The following ARID5A variants were observed in gnomAD, a reference collection of about 807,000 sequenced individuals.
The protein encoded by ARID5A is AT-rich interactive domain-containing protein 5A.
In ARID5A, 14 loss-of-function variants were observed where a neutral mutation model predicts 30.5. The ratio of observed to expected loss-of-function variants is 0.46; its 90% CI spans 0.30 to 0.72. ARID5A has a LOEUF of 0.72. Ranked by LOEUF, ARID5A falls within the 30% of genes least tolerant of loss-of-function variation. The probability of loss-of-function intolerance (pLI) is 0.07; values close to 1 mark genes in which losing one functional copy is unlikely to be tolerated. For synonymous variants in ARID5A, 338 were observed against 340.4 expected (o/e 0.99, Z 0.08); for missense variants, 669 against 786.2 (o/e 0.85, Z 1.78).
At position 96,536,887 on chromosome 2, in the gene ARID5A, C is replaced by G. The variant is rs1401126451; in HGVS notation, c.4+57C>G. The G allele has an allele frequency of 4.9e-6, 6 of 1,224,572 alleles. No homozygotes were observed. The African/African-American group carries it at 9.4e-5, about 19-fold the overall frequency. 75.9% of individuals were successfully genotyped at this position (1,224,572 alleles called of 1,614,324 possible). On this transcript the variant is annotated intron_variant, in intron 1 of 6. Transcript: ENST00000357485. ...GGCTCGGCGGCCCTGCAGGGAGGTT[C>G]AAGGTGCCGGCGCCGGGTCCCCTCC...
At chr2:96,544,813 G>A (rs927978804) in intron 1 of ARID5A, among the ~76,000 whole-genome samples, 3 of 152,230 alleles carry the variant, frequency 2.0e-5, no homozygotes, top group African/African-American at 4.8e-5. Flanking sequence ...CATAGATAGT[G>A]ATTCCTCTGA....
intron 2 of ARID5A, 89 bp downstream of exon 2, chr2:96,547,606 C>A: frequency 8.0e-7 from 1 of 1,246,912 alleles, no homozygotes; most frequent in South Asian, 1.3e-5. Context: ...GGACACTCCC[C>A]AAGCTCTCAG....
chr2:96,543,256 AT>A (rs2065874732), intron 1 of ARID5A, among the ~76,000 whole-genome samples: 1 of 152,202 alleles, frequency 6.6e-6, no homozygotes, highest in Non-Finnish European at 1.5e-5. Flanking sequence ...ACCCATAACC[AT>A]TCTGGCTTCA....
chr2:96,538,299 C>A, intron 1 of ARID5A: 1 of 985,462 alleles, frequency 1.0e-6, no homozygotes, highest in Non-Finnish European at 1.2e-6. Context: ...GGAACTGGGG[C>A]TTTTAGGACA....
Position 96,552,611 on chromosome 2 carries a change from TAA to T in ARID5A, c.*302_*303del. 1 of 1,436,786 alleles carries T rather than the reference TAA, an allele frequency of 7.0e-7. No homozygotes were observed. The highest frequency in any genetic ancestry group is 1.4e-5 in the African/African-American group (1 of 70,328). 89.0% of individuals were successfully genotyped at this position (1,436,786 alleles called of 1,614,324 possible). The stretch of plus-strand genomic sequence containing the variant: ...CCCAGGTTGCCCACGGAAAATCCAA[TAA>T]AAAGACACCAGTGTGAATCCACGTA... On this transcript the variant is annotated 3_prime_UTR_variant, in exon 7 of 7. Coordinates refer to ENST00000357485, the MANE Select transcript of ARID5A (RefSeq NM_212481.3).
At chr2:96,546,623 C>T (rs1043522879) in intron 1 of ARID5A, among the ~76,000 whole-genome samples, 7 of 152,174 alleles carry the variant, frequency 4.6e-5, no homozygotes, top group South Asian at 4.1e-4. Flanking sequence ...TAGCCTAGGG[C>T]GAGGGAGGAG....
At chr2:96,541,143 T>C (rs1381965573) in intron 1 of ARID5A, among the ~76,000 whole-genome samples, 1 of 151,924 alleles carries the variant, frequency 6.6e-6, no homozygotes, top group African/African-American at 2.4e-5. Context: ...GTTCAAGCGA[T>C]TCTCCTGCCT....
rs2066077610 is a variant in ARID5A, at chr2:96,552,610, A to G, written c.*297A>G. The G allele has an allele frequency of 1.4e-6, 2 of 1,438,216 alleles. No homozygotes were observed. The highest frequency in any genetic ancestry group is 1.8e-6 in the Non-Finnish European group (2 of 1,092,932). The allele number at this position is 1,438,216 out of a possible 1,614,324, so 89.1% of individuals were successfully genotyped here. A position where few individuals can be genotyped will look rare whatever the true frequency, so the allele number is the denominator to read the frequency against. ...ACCCAGGTTGCCCACGGAAAATCCAATAAAAAGACACCAGTGTGAATCCAC... is the reference window on the plus strand; with the variant it reads ...ACCCAGGTTGCCCACGGAAAATCCAGTAAAAAGACACCAGTGTGAATCCAC... On this transcript the variant is annotated 3_prime_UTR_variant, in exon 7 of 7. Transcript: ENST00000357485.
In ARID5A at chr2:96,552,029, A is replaced by C. The variant is rs763014048; in HGVS notation, c.1501A>C (p.Arg501=). ...GGGGCCTGTGCCCCCAGAGGCCTAC[A>C]GGGGCACCATGCTGCACTGCCCGCT... ...ALGPVPPEAY[R]GTMLHCPLNF... is the part of the protein sequence containing the mutation. Residue 501 remains arginine (R), a synonymous_variant, in exon 7 of 7, where the codon AGG becomes CGG. Transcript: ENST00000357485. 1 of 1,538,646 alleles carries C rather than the reference A, an allele frequency of 6.5e-7. No homozygotes were observed. The highest frequency in any genetic ancestry group is 8.7e-7 in the Non-Finnish European group (1 of 1,143,186).
rs149000260 is a variant in ARID5A, at chr2:96,551,196, C to G, written c.668C>G (p.Ser223Cys). The change falls in exon 7 of 7, where the codon TCT (serine) becomes TGT (cysteine). Residue 223 changes from serine to cysteine, a missense_variant. By Grantham distance (112) the Ser-to-Cys change is moderately radical. Coordinates refer to ENST00000357485, the MANE Select transcript of ARID5A (RefSeq NM_212481.3). ...AGCACAGAACAGCAGGGCCTGGCCTCTGGGTCTTCTGTGTCCTTTGTGGGT... is the reference window on the plus strand; with the variant it reads ...AGCACAGAACAGCAGGGCCTGGCCTGTGGGTCTTCTGTGTCCTTTGTGGGT... The part of the protein sequence containing the change: ...RNSTEQQGLA[S>C]GSSVSFVGAS... 6.2e-7 allele frequency: 1 copy of G among 1,613,906 alleles called. No individual in the cohort carries two copies. The highest frequency in any genetic ancestry group is 1.3e-5 in the African/African-American group (1 of 74,936).
Position 96,536,767 on chromosome 2 carries a change from G to T in ARID5A, c.-60G>T. 8.2e-7 allele frequency: 1 copy of T among 1,225,888 alleles called. No individual in the cohort carries two copies. The highest frequency in any genetic ancestry group is 4.1e-5 in the South Asian group (1 of 24,190). 75.9% of individuals were successfully genotyped at this position (1,225,888 alleles called of 1,614,324 possible). A position where few individuals can be genotyped will look rare whatever the true frequency, so the allele number is the denominator to read the frequency against. ...GCGAGCCAGTATCTCAGAGAGCGCG[G>T]GGTCCGGACAGCCGCGCGCTGAGGG... is the stretch of plus-strand genomic sequence containing the variant. On this transcript the variant is annotated 5_prime_UTR_variant, in exon 1 of 7. Coordinates refer to ENST00000357485, the MANE Select transcript of ARID5A (RefSeq NM_212481.3).
intron 1 of ARID5A, among the ~76,000 whole-genome samples, chr2:96,544,559 T>C (rs1362113152): frequency 1.3e-5 from 2 of 152,180 alleles, no homozygotes; most frequent in African/African-American, 4.8e-5. Context: ...TATAACATGG[T>C]TTACTGAGTA....
At chr2:96,546,260 G>A (rs2065926286) in intron 1 of ARID5A, among the ~76,000 whole-genome samples, 1 of 152,214 alleles carries the variant, frequency 6.6e-6, no homozygotes, top group Non-Finnish European at 1.5e-5. Context: ...GGATGTCCTG[G>A]GAGGGAGTGA....
At position 96,549,664 on chromosome 2, in the gene ARID5A, G is replaced by T; in HGVS notation, c.260-89G>T. 1 of 1,587,716 alleles carries T rather than the reference G, an allele frequency of 6.3e-7. No individual in the cohort carries two copies. The highest frequency in any genetic ancestry group is 1.1e-5 in the South Asian group (1 of 90,326). On this transcript the variant is annotated intron_variant, in intron 3 of 6. Transcript: ENST00000357485. This position sits in a 1 kb window ranked among gnomAD's most constrained non-coding sequence, Gnocchi z 6.1. Reference sequence around the variant, plus strand: ...CCTGGCTGGGTGTGTGCTGGTCTGTGCCTGGCCTGTCAGGGCACCAGGAAG... The same window carrying T: ...CCTGGCTGGGTGTGTGCTGGTCTGTTCCTGGCCTGTCAGGGCACCAGGAAG...
At chr2:96,541,862 G>A (rs561641584) in intron 1 of ARID5A, among the ~76,000 whole-genome samples, 10 of 152,230 alleles carry the variant, frequency 6.6e-5, no homozygotes, top group African/African-American at 1.2e-4. Context: ...GCAGTAGTGC[G>A]GTGGCTCACA....
rs1252043222 is a variant in ARID5A, at chr2:96,539,955, A to G, written c.4+3125A>G. Among the ~76,000 whole-genome samples the G allele has an allele frequency of 6.6e-6, 1 of 152,234 alleles. No individual in the cohort carries two copies. Among genetic ancestry groups the G allele is most frequent in the African/African-American group, 2.4e-5 (1 of 41,460 alleles). On this transcript the variant is annotated intron_variant, in intron 1 of 6. Coordinates refer to ENST00000357485, the MANE Select transcript of ARID5A (RefSeq NM_212481.3). The surrounding 1 kb of genome is among the most constrained non-coding windows in gnomAD (Gnocchi z 4.7). Reference sequence around the variant, plus strand: ...AGAAAGAAAAAAATCTCTAGCTCTCAGGGATCAGCGTCTCTCAGGAGTCAG... The same window carrying G: ...AGAAAGAAAAAAATCTCTAGCTCTCGGGGATCAGCGTCTCTCAGGAGTCAG...
Position 96,537,928 on chromosome 2 carries a change from G to A in ARID5A, c.4+1098G>A. 1 of 985,554 alleles carries A rather than the reference G, an allele frequency of 1.0e-6. No homozygotes were observed. Among genetic ancestry groups the A allele is most frequent in the Non-Finnish European group, 1.2e-6 (1 of 830,032 alleles). The allele number at this position is 985,554 out of a possible 1,614,324, so 61.1% of individuals were successfully genotyped here. A position where few individuals can be genotyped will look rare whatever the true frequency, so the allele number is the denominator to read the frequency against. On this transcript the variant is annotated intron_variant, in intron 1 of 6. Transcript: ENST00000357485. The surrounding 1 kb of genome is among the most constrained non-coding windows in gnomAD (Gnocchi z 4.8). The stretch of plus-strand genomic sequence containing the variant: ...CGCGGGCCCCAGGGGAGGACAACAG[G>A]TGCCTCTTGCCCCACCCGGGCTCCT...
Position 96,550,481 on chromosome 2 carries a change from C to T in ARID5A, c.411-93C>T, listed in dbSNP as rs945100094. 15 of 1,471,460 alleles carry T rather than the reference C, an allele frequency of 1.0e-5. No individual in the cohort carries two copies. The highest frequency in any genetic ancestry group is 2.8e-5 in the African/African-American group (2 of 70,332). 91.2% of individuals were successfully genotyped at this position (1,471,460 alleles called of 1,614,324 possible). ...GGGACCAGGAGAGGGCCTTCCTCGG[C>T]GCCGGCGGGGAAGGGGGCTCAGAGG... is the stretch of plus-strand genomic sequence containing the variant. On this transcript the variant is annotated intron_variant, in intron 5 of 6. Coordinates refer to ENST00000357485, the MANE Select transcript of ARID5A (RefSeq NM_212481.3). This position sits in a 1 kb window ranked among gnomAD's most constrained non-coding sequence, Gnocchi z 6.6.
At chr2:96,540,641 C>T (rs1323635487) in intron 1 of ARID5A, among the ~76,000 whole-genome samples, 1 of 152,216 alleles carries the variant, frequency 6.6e-6, no homozygotes, top group Non-Finnish European at 1.5e-5. Flanking sequence ...ATTATGGAGA[C>T]ACATGGTCCT....
Sources: allele counts gnomAD v4.1 joint callset (sites outside exome capture counted in the v4.1 genomes callset), GRCh38; gene constraint gnomAD v4.1.1; non-coding constraint Gnocchi (gnomAD v3.1); transcripts MANE v1.5; gene names NCBI Gene and HGNC (gene_info 2026-07-23, HGNC 2026-07-21).